NSD3: variants seen among roughly 807,000 people sequenced by gnomAD.
The protein encoded by NSD3 is nuclear receptor binding SET domain protein 3.
In NSD3, 24 loss-of-function variants were observed where a neutral mutation model predicts 160.8. The observed-to-expected ratio is 0.15, with a 90% CI of 0.11 to 0.21. The LOEUF (loss-of-function observed/expected upper bound fraction) is 0.21. Ranked by LOEUF, NSD3 falls within the 10% of genes least tolerant of loss-of-function variation. NSD3 has a pLI of 1.00. For missense variants in NSD3, 1,157 were observed against 1,735.9 expected, an observed-to-expected ratio of 0.67 and a Z score of 5.93; for synonymous variants, 520 against 600.0, an observed-to-expected ratio of 0.87 and a Z score of 1.95.
intron 1 of NSD3, among the ~76,000 whole-genome samples, chr8:38,375,095 C>G (rs1811357204): frequency 6.6e-6 from 1 of 152,152 alleles, no homozygotes; most frequent in African/African-American, 2.4e-5. Flanking sequence ...TGTGGGAATT[C>G]TACCAAACAC....
chr8:38,312,958 G>C (rs1809569190), intron 12 of NSD3, among the ~76,000 whole-genome samples: 1 of 152,154 alleles, frequency 6.6e-6, no homozygotes, highest in African/African-American at 2.4e-5. Context: ...TTTAGAAAAA[G>C]GAATAATGGG....
Position 38,340,510 on chromosome 8 carries a change from G to A in NSD3, c.676-1903C>T, listed in dbSNP as rs1371681182. On this transcript the variant is annotated intron_variant, in intron 2 of 23. Coordinates refer to ENST00000317025, the MANE Select transcript of NSD3 (RefSeq NM_023034.2). Reference sequence around the variant, plus strand: ...GCACCACCACACCCAGCTAATTTTTGTATTTTTAGTAGAGACGGGGTTTTG... The same window carrying A: ...GCACCACCACACCCAGCTAATTTTTATATTTTTAGTAGAGACGGGGTTTTG... Among the ~76,000 whole-genome samples the A allele has an allele frequency of 2.6e-5, 4 of 152,084 alleles. No individual in the cohort carries two copies. In the East Asian group the frequency reaches 7.7e-4, roughly 29 times the overall value.
Position 38,347,912 on chromosome 8 carries a change from T to C in NSD3, c.260A>G (p.Gln87Arg). The C allele has an allele frequency of 1.2e-6, 2 of 1,614,230 alleles. No individual in the cohort carries two copies. Among genetic ancestry groups the C allele is most frequent in the Non-Finnish European group, 1.7e-6 (2 of 1,180,046 alleles). ...ISVYETQTKY[Q>R]SYNQYPNGSA... ...CCCATTAGGATACTGATTATATGAC[T>C]GGTATTTGGTTTGAGTTTCATACAC... is the stretch of plus-strand genomic sequence containing the variant. The change falls in exon 2 of 24, where the codon CAG (glutamine) becomes CGG (arginine). Residue 87 changes from glutamine (Q) to arginine (R), a missense_variant. This residue lies in a region of NSD3 where 121 missense variants were observed against 177.2 expected (regional missense o/e 0.68). Transcript: ENST00000317025.
intron 15 of NSD3, 54 bp from the exon 16 acceptor site, chr8:38,296,006 A>G: frequency 3.3e-6 from 5 of 1,507,828 alleles, no homozygotes; most frequent in Non-Finnish European, 4.4e-6. Context: ...GAGAAAAAGA[A>G]AGAAAAAGGA....
chr8:38,361,684 G>A (rs1810969123), intron 1 of NSD3, among the ~76,000 whole-genome samples: 1 of 151,136 alleles, frequency 6.6e-6, no homozygotes, highest in Admixed American at 6.6e-5. Flanking sequence ...GAACCTGGGA[G>A]GCGGAGCTTG....
rs754928817 is a variant in NSD3, at chr8:38,331,501, C to T, written c.995G>A (p.Gly332Asp). ...VHEKRVREYK[G>D]HKQYEELLAE... Reference sequence around the variant, plus strand: ...CAGTAATTCTTCATACTGTTTATGACCTTTATACTCTCGTACCCGTTTTTC... The same window carrying T: ...CAGTAATTCTTCATACTGTTTATGATCTTTATACTCTCGTACCCGTTTTTC... The change falls in exon 5 of 24, where the codon GGT (glycine) becomes GAT (aspartate). Residue 332 changes from glycine to aspartate, a missense_variant. Physicochemically the swap from Gly to Asp is moderately conservative, Grantham distance 94. Coordinates refer to ENST00000317025, the MANE Select transcript of NSD3 (RefSeq NM_023034.2). The T allele has an allele frequency of 4.3e-6, 7 of 1,613,792 alleles. No individual in the cohort carries two copies. The highest frequency in any genetic ancestry group is 5.9e-6 in the Non-Finnish European group (7 of 1,179,878).
In NSD3 at chr8:38,273,944, C is replaced by T. The variant is rs1203748890; in HGVS notation, c.*1697G>A. The T allele has an allele frequency of 1.3e-5, 2 of 151,990 alleles. No individual in the cohort carries two copies. Among genetic ancestry groups the T allele is most frequent in the African/African-American group, 4.8e-5 (2 of 41,376 alleles). 9.4% of individuals were successfully genotyped at this position (151,990 alleles called of 1,614,324 possible). On this transcript the variant is annotated 3_prime_UTR_variant, in exon 24 of 24. Coordinates refer to ENST00000317025, the MANE Select transcript of NSD3 (RefSeq NM_023034.2). ...AAAATCCAGTATAATTGCACATTTA[C>T]ATACAAAAAAAAGAGGCACAAAACA...
chr8:38,369,987 T>C (rs1353680963), intron 1 of NSD3, among the ~76,000 whole-genome samples: 1 of 151,972 alleles, frequency 6.6e-6, no homozygotes, highest in Non-Finnish European at 1.5e-5. Context: ...AGACATGGGG[T>C]TTCACCATGT....
intron 1 of NSD3, among the ~76,000 whole-genome samples, chr8:38,367,904 AAG>A (rs1235062936): frequency 6.6e-6 from 1 of 152,204 alleles, no homozygotes; most frequent in Non-Finnish European, 1.5e-5. Context: ...GTAAGGAATC[AAG>A]GTGTGTTAGA....
chr8:38,307,141 A>C (rs914958776), intron 12 of NSD3, among the ~76,000 whole-genome samples: 2 of 150,280 alleles, frequency 1.3e-5, no homozygotes, highest in African/African-American at 4.9e-5. Flanking sequence ...AAATAAAATA[A>C]ATAAATAAAT....
In NSD3 at chr8:38,298,496, G is replaced by T. The variant is rs572985121; in HGVS notation, c.2758+948C>A. Among the ~76,000 whole-genome samples the T allele has an allele frequency of 6.6e-5, 10 of 152,024 alleles. No homozygotes were observed. In the South Asian group the frequency reaches 1.2e-3, roughly 19 times the overall value. On this transcript the variant is annotated intron_variant, in intron 15 of 23. Transcript: ENST00000317025. ...AGATACATCAAACAGGCAACACAAA[G>T]AATTTTTTCAAAAGCCCATTTCAAA...
intron 6 of NSD3, among the ~76,000 whole-genome samples, chr8:38,327,782 G>A (rs1585890272): frequency 6.6e-6 from 1 of 152,250 alleles, no homozygotes; most frequent in East Asian, 1.9e-4. Flanking sequence ...TGTCACTCAT[G>A]GTGACCAAAA....
intron 1 of NSD3, among the ~76,000 whole-genome samples, chr8:38,361,484 G>C (rs1010471892): frequency 6.6e-6 from 1 of 151,474 alleles, no homozygotes; most frequent in South Asian, 2.1e-4. Context: ...GGCCGGGCGC[G>C]GTGGCTCACA....
At chr8:38,312,658 C>A (rs192760165) in intron 12 of NSD3, among the ~76,000 whole-genome samples, 1 of 152,112 alleles carries the variant, frequency 6.6e-6, no homozygotes, top group Admixed American at 6.5e-5. Flanking sequence ...AAAATTGTGG[C>A]CCTCTCCCTC....
chr8:38,316,579 T>A lies in NSD3; in HGVS notation c.1856-537A>T. The A allele has an allele frequency of 9.5e-7, 1 of 1,051,112 alleles. No homozygotes were observed. The highest frequency in any genetic ancestry group is 1.1e-6 in the Non-Finnish European group (1 of 870,350). The allele number at this position is 1,051,112 out of a possible 1,614,324, so 65.1% of individuals were successfully genotyped here. ...CCAATAAAATTTGGATGTTCATAAT[T>A]GTTCATCTGAGACTTCCTTGGTGAA... On this transcript the variant is annotated intron_variant, in intron 9 of 23. Transcript: ENST00000317025. This position sits in a 1 kb window ranked among gnomAD's most constrained non-coding sequence, Gnocchi z 4.5.
chr8:38,273,479 T>C lies in NSD3; in HGVS notation c.*2162A>G, dbSNP rs968853384. ...ATATAGGATGTACCCTGGCTTACCA[T>C]AGAAAAGTCTTTAGATAGTAAATAG... is the stretch of plus-strand genomic sequence containing the variant. On this transcript the variant is annotated 3_prime_UTR_variant, in exon 24 of 24. Coordinates refer to ENST00000317025, the MANE Select transcript of NSD3 (RefSeq NM_023034.2). 7.9e-5 allele frequency: 12 copies of C among 152,116 alleles called. No homozygotes were observed. The highest frequency in any genetic ancestry group is 2.4e-4 in the African/African-American group (10 of 41,440). The allele number at this position is 152,116 out of a possible 1,614,324, so 9.4% of individuals were successfully genotyped here.
Position 38,305,254 on chromosome 8 carries a change from T to C in NSD3, c.2434A>G (p.Ser812Gly). 6.2e-7 allele frequency: 1 copy of C among 1,613,748 alleles called. No individual in the cohort carries two copies. ...CSMEKDIHKA[S>G]KGRMMRCLRC... ...CCTTCTTCAGCTGTTTTACCTTTAC[T>C]TGCTTTGTGGATATCTTTCTCCATA... is the stretch of plus-strand genomic sequence containing the variant. Residue 812 changes from serine to glycine, a missense_variant, in exon 13 of 24, where the codon AGT (serine) becomes GGT (glycine). By Grantham distance (56) the Ser-to-Gly change is moderately conservative (BLOSUM62 0). Coordinates refer to ENST00000317025, the MANE Select transcript of NSD3 (RefSeq NM_023034.2).
chr8:38,314,198 A>G (rs1171152971), intron 12 of NSD3, among the ~76,000 whole-genome samples: 2 of 152,234 alleles, frequency 1.3e-5, no homozygotes, highest in African/African-American at 4.8e-5. Context: ...TAGTCTATGT[A>G]TAGTGAGATA....
At chr8:38,304,814 A>G in intron 13 of NSD3, 57 bp from the exon 14 acceptor site, 1 of 1,520,820 alleles carries the variant, frequency 6.6e-7, no homozygotes. Flanking sequence ...ACATAAAAAT[A>G]AGTTTCTGGA....
Sources: gnomAD v4.1 joint callset for allele counts (sites outside exome capture counted in the v4.1 genomes callset) on GRCh38, gnomAD v4.1.1 for gene constraint, gnomAD v4.1.1 regional missense constraint, Gnocchi (gnomAD v3.1) non-coding constraint, MANE v1.5 for transcripts, NCBI Gene and HGNC (gene_info 2026-07-23, HGNC 2026-07-21) for gene names.